The following SPAG17 variants were observed in gnomAD, a reference collection of about 807,000 sequenced individuals.
The protein encoded by SPAG17 is sperm-associated antigen 17.
Under a neutral mutation model 273.6 loss-of-function variants are expected in SPAG17, and 169 were observed. The ratio of observed to expected loss-of-function variants is 0.62; its 90% CI spans 0.55 to 0.70. The LOEUF (loss-of-function observed/expected upper bound fraction) is 0.70, where lower values mean the gene tolerates loss of function less well. Among genes scored for constraint, SPAG17 ranks in the 30% least tolerant of loss-of-function variants. The pLI is 0.00. For missense variants in SPAG17, 2,557 were observed against 2,627.8 expected (o/e 0.97, Z 0.59); for synonymous variants, 825 against 873.2 (o/e 0.94, Z 0.97).
At chr1:118,130,508 C>T (rs1205484441) in intron 3 of SPAG17, among the ~76,000 whole-genome samples, 1 of 152,176 alleles carries the variant, frequency 6.6e-6, no homozygotes, top group Non-Finnish European at 1.5e-5. Context: ...GGGATAGTCC[C>T]TGGCACCCAG....
chr1:118,078,586 A>G (rs1470415237), intron 15 of SPAG17, among the ~76,000 whole-genome samples: 2 of 152,232 alleles, frequency 1.3e-5, no homozygotes, highest in South Asian at 2.1e-4. Context: ...AAAGAGAAAA[A>G]GTCTTGCTTG....
chr1:117,989,279 C>T (rs941165046), intron 38 of SPAG17, among the ~76,000 whole-genome samples: 4 of 152,078 alleles, frequency 2.6e-5, no homozygotes, highest in Admixed American at 6.5e-5. Flanking sequence ...GCAGGCTGTG[C>T]AAGAAGCATG....
At chr1:118,137,670 T>C (rs146831084) in intron 3 of SPAG17, among the ~76,000 whole-genome samples, 203 of 152,354 alleles carry the variant, frequency 1.3e-3, no homozygotes, top group African/African-American at 4.8e-3. Context: ...TCAATTACCT[T>C]GCAGAGTGAT....
chr1:117,989,446 C>T (rs1349476360), intron 38 of SPAG17, among the ~76,000 whole-genome samples: 2 of 152,008 alleles, frequency 1.3e-5, no homozygotes, highest in African/African-American at 4.8e-5. Flanking sequence ...CTCATGGCAA[C>T]TAATAGAGTG....
In SPAG17 at chr1:118,025,359, G is replaced by T. The variant is rs201590356; in HGVS notation, c.3788C>A (p.Pro1263His). The T allele has an allele frequency of 4.7e-5, 76 of 1,611,010 alleles. No individual in the cohort carries two copies. The highest frequency in any genetic ancestry group is 5.3e-5 in the Non-Finnish European group (62 of 1,178,944). Residue 1263 changes from proline to histidine, a missense_variant, in exon 27 of 49, where the codon CCC becomes CAC. By Grantham distance (77) the Pro-to-His change is moderately conservative. Transcript: ENST00000336338. ...TWDIMVRQSYPQRVKHYEFYK... is the reference protein window; with the variant it reads ...TWDIMVRQSYHQRVKHYEFYK... ...GAACTCATAGTGCTTCACCCTCTGG[G>T]GGTAGCTCTGACGGACCATGATGTC...
In SPAG17 at chr1:118,073,979, T is replaced by A; in HGVS notation, c.2272-12A>T. 1 of 1,527,608 alleles carries A rather than the reference T, an allele frequency of 6.5e-7. No individual in the cohort carries two copies. Among genetic ancestry groups the A allele is most frequent in the Non-Finnish European group, 8.8e-7 (1 of 1,142,594 alleles). 94.6% of individuals were successfully genotyped at this position (1,527,608 alleles called of 1,614,324 possible). A position where few individuals can be genotyped will look rare whatever the true frequency, so the allele number is the denominator to read the frequency against. On this transcript the variant is annotated splice_polypyrimidine_tract_variant and intron_variant, in intron 16 of 48. Coordinates refer to ENST00000336338, the MANE Select transcript of SPAG17 (RefSeq NM_206996.4). ...ATCTTCTTGGGTTTCTAAAATATCA[T>A]AGGAACACAATTTCAGCTTTAATTT...
intron 10 of SPAG17, among the ~76,000 whole-genome samples, chr1:118,090,860 G>A (rs1424716321): frequency 6.6e-6 from 1 of 151,418 alleles, no homozygotes. Context: ...TCCAGCCTAG[G>A]GGACAGAGAG....
intron 34 of SPAG17, 127 bp from the exon 35 acceptor site, chr1:117,994,657 A>G: frequency 1.1e-6 from 1 of 939,638 alleles, no homozygotes; most frequent in South Asian, 2.0e-5. Context: ...AATGAGACAC[A>G]ATGACTATAC....
intron 3 of SPAG17, among the ~76,000 whole-genome samples, chr1:118,129,663 CCTT>C (rs1433731997): frequency 5.3e-5 from 8 of 149,794 alleles, no homozygotes; most frequent in African/African-American, 1.2e-4. Flanking sequence ...TCCTTCTCTT[CCTT>C]CTTCTTTCTC....
intron 3 of SPAG17, among the ~76,000 whole-genome samples, chr1:118,116,970 T>C (rs1280786703): frequency 2.0e-5 from 3 of 152,200 alleles, no homozygotes; most frequent in Non-Finnish European, 2.9e-5. Context: ...CATTTAATGA[T>C]GACCAGATCC....
chr1:118,059,321 T>A (rs1051630393), intron 18 of SPAG17, among the ~76,000 whole-genome samples: 3 of 152,158 alleles, frequency 2.0e-5, no homozygotes, highest in Non-Finnish European at 1.5e-5. Flanking sequence ...TTTGAGTTGA[T>A]TTTTGTGTAT....
At chr1:118,108,123 C>T (rs1040786309) in intron 4 of SPAG17, among the ~76,000 whole-genome samples, 2 of 152,130 alleles carry the variant, frequency 1.3e-5, no homozygotes, top group African/African-American at 4.8e-5. Flanking sequence ...TGCTCTCTCC[C>T]CATGGCTGAC....
chr1:118,036,576 T>G, intron 24 of SPAG17, 194 bp downstream of exon 24: 2 of 372,634 alleles, frequency 5.4e-6, no homozygotes, highest in Non-Finnish European at 9.6e-6. Context: ...ATTATATATA[T>G]ATATACTGTA....
intron 1 of SPAG17, among the ~76,000 whole-genome samples, chr1:118,173,084 C>T (rs1019793629): frequency 1.6e-4 from 25 of 151,636 alleles, no homozygotes; most frequent in African/African-American, 6.1e-4. Flanking sequence ...AGAGTGACAT[C>T]AGCAAGATGG....
Position 117,973,492 on chromosome 1 carries a change from C to A in SPAG17, c.6074G>T (p.Arg2025Ile). ...ATGAGGCAACTTCACTTTTTCTTTTCTTGTTTGTCCCGCAACATCCTGCAG... is the reference window on the plus strand; with the variant it reads ...ATGAGGCAACTTCACTTTTTCTTTTATTGTTTGTCCCGCAACATCCTGCAG... ...SLLQDVAGQT[R>I]KEKVKLPHYL... The change falls in exon 44 of 49, where the codon AGA (arginine) becomes ATA (isoleucine). Residue 2025 changes from arginine (R) to isoleucine (I), a missense_variant. Coordinates refer to ENST00000336338, the MANE Select transcript of SPAG17 (RefSeq NM_206996.4). The A allele has an allele frequency of 6.2e-7, 1 of 1,613,986 alleles. No individual in the cohort carries two copies. The highest frequency in any genetic ancestry group is 8.5e-7 in the Non-Finnish European group (1 of 1,179,926).
chr1:118,130,916 T>C (rs147296713), intron 3 of SPAG17, among the ~76,000 whole-genome samples: 24 of 152,322 alleles, frequency 1.6e-4, no homozygotes, highest in Non-Finnish European at 2.9e-4. Context: ...TACTAATCTT[T>C]AGATACAGCA....
intron 18 of SPAG17, among the ~76,000 whole-genome samples, chr1:118,057,102 G>A (rs533175538): frequency 3.6e-4 from 55 of 151,762 alleles, no homozygotes; most frequent in Middle Eastern, 3.4e-3. Flanking sequence ...TCAGCCTCCC[G>A]AGTAGCTGGG....
rs1216071718 is a variant in SPAG17 at position 117,973,528 on chromosome 1, G to A, written c.6038C>T (p.Thr2013Ile). 2 of 1,613,808 alleles carry A rather than the reference G, an allele frequency of 1.2e-6. No individual in the cohort carries two copies. Among genetic ancestry groups the A allele is most frequent in the Non-Finnish European group, 1.7e-6 (2 of 1,179,884 alleles). ...AESYEPVKIP[T>I]QSLLQDVAGQ... is the part of the protein sequence containing the mutation. Reference sequence around the variant, plus strand: ...CGCAACATCCTGCAGCAAGGACTGGGTTGGAATTTTCACGGGCTCATAAGA... The same window carrying A: ...CGCAACATCCTGCAGCAAGGACTGGATTGGAATTTTCACGGGCTCATAAGA... Residue 2013 changes from threonine to isoleucine, a missense_variant, in exon 44 of 49, where the codon ACC becomes ATC. Coordinates refer to ENST00000336338, the MANE Select transcript of SPAG17 (RefSeq NM_206996.4).
chr1:118,163,410 C>G (rs1435767295), intron 1 of SPAG17, among the ~76,000 whole-genome samples: 2 of 152,144 alleles, frequency 1.3e-5, no homozygotes, highest in African/African-American at 4.8e-5. Context: ...TTCCCACTGC[C>G]TGAGAAGCAC....
Sources: gnomAD v4.1 joint callset for allele counts (sites outside exome capture counted in the v4.1 genomes callset) on GRCh38, gnomAD v4.1.1 for gene constraint, MANE v1.5 for transcripts, NCBI Gene and HGNC (gene_info 2026-07-23, HGNC 2026-07-21) for gene names.